WDHD1: variants seen among roughly 807,000 people sequenced by gnomAD.
WDHD1 encodes WD repeat and HMG-box DNA-binding protein 1.
A neutral mutation model predicts 135.4 loss-of-function variants in WDHD1; 111 were observed. The ratio of observed to expected loss-of-function variants is 0.82; its 90% CI spans 0.70 to 0.96. The LOEUF (loss-of-function observed/expected upper bound fraction) is 0.96. WDHD1 is among the 40% of genes least tolerant of loss of function. WDHD1 has a pLI of 0.00. For missense variants in WDHD1, 1,351 were observed against 1,336.3 expected (o/e 1.01, Z -0.17); for synonymous variants, 434 against 439.0 (o/e 0.99, Z 0.14).
chr14:54,994,062 T>C (rs2041838972), intron 11 of WDHD1, among the ~76,000 whole-genome samples: 1 of 152,226 alleles, frequency 6.6e-6, no homozygotes, highest in Non-Finnish European at 1.5e-5. Flanking sequence ...TGTAAGTTGT[T>C]ACAATAAGCA....
chr14:54,945,731 G>A (rs2140146526), intron 24 of WDHD1, among the ~76,000 whole-genome samples: 1 of 152,242 alleles, frequency 6.6e-6, no homozygotes, highest in Non-Finnish European at 1.5e-5. Flanking sequence ...AGTAAAGACA[G>A]GGTTTCACCA....
chr14:55,010,588 A>C (rs1418498707), intron 3 of WDHD1, 128 bp from the exon 4 acceptor site: 2 of 819,736 alleles, frequency 2.4e-6, no homozygotes, highest in Non-Finnish European at 3.4e-6. Context: ...GAGAAAAATT[A>C]TCACTAAATG....
intron 24 of WDHD1, 123 bp from the exon 25 acceptor site, chr14:54,944,593 G>T: frequency 2.2e-4 from 132 of 588,794 alleles, no homozygotes; most frequent in South Asian, 6.4e-4. Flanking sequence ...GGAAGACACA[G>T]TTACACTTGT....
At chr14:54,971,574 A>G (rs1291580747) in intron 16 of WDHD1, among the ~76,000 whole-genome samples, 1 of 152,098 alleles carries the variant, frequency 6.6e-6, no homozygotes, top group Non-Finnish European at 1.5e-5. Context: ...GAAAGAAACC[A>G]TAGATGACAC....
intron 10 of WDHD1, 138 bp from the exon 11 acceptor site, chr14:54,995,951 A>G: frequency 1.6e-6 from 1 of 609,346 alleles, no homozygotes; most frequent in Non-Finnish European, 2.7e-6. Flanking sequence ...AATAATTAGT[A>G]AATGTATTTA....
chr14:54,991,134 T>C, intron 12 of WDHD1, 79 bp downstream of exon 12: 3 of 754,050 alleles, frequency 4.0e-6, no homozygotes, highest in Non-Finnish European at 6.4e-6. Context: ...AAAAATATGT[T>C]TTATCCAAAA....
At chr14:55,001,088 C>T in intron 8 of WDHD1, 96 bp from the exon 9 acceptor site, 1 of 828,214 alleles carries the variant, frequency 1.2e-6, no homozygotes, top group Admixed American at 3.5e-5. Flanking sequence ...CATTTTTTTT[C>T]AAGAATTTGG....
chr14:54,984,392 G>A (rs1353544073), intron 15 of WDHD1, among the ~76,000 whole-genome samples: 2 of 152,186 alleles, frequency 1.3e-5, no homozygotes, highest in Non-Finnish European at 2.9e-5. Context: ...CTACTAAGGA[G>A]GCTGAGGTAG....
chr14:54,999,818 G>A (rs1450862318), intron 10 of WDHD1, among the ~76,000 whole-genome samples: 1 of 151,978 alleles, frequency 6.6e-6, no homozygotes, highest in Non-Finnish European at 1.5e-5. Context: ...TGTTGCCCAG[G>A]CTGATCTCAA....
intron 24 of WDHD1, among the ~76,000 whole-genome samples, chr14:54,945,688 G>A (rs2040911162): frequency 6.6e-6 from 1 of 152,088 alleles, no homozygotes; most frequent in South Asian, 2.1e-4. Flanking sequence ...CTACAGGTAC[G>A]CGCCACCACA....
At chr14:54,971,011 T>C (rs1256294403) in intron 16 of WDHD1, among the ~76,000 whole-genome samples, 2 of 152,134 alleles carry the variant, frequency 1.3e-5, no homozygotes, top group African/African-American at 4.8e-5. Context: ...ACTCAATAAA[T>C]GGTGCTGAGA....
chr14:54,970,777 A>C (rs928933298), intron 16 of WDHD1, among the ~76,000 whole-genome samples: 2 of 152,196 alleles, frequency 1.3e-5, no homozygotes, highest in Admixed American at 1.3e-4. Context: ...AAAAGAGCCC[A>C]AATAGCCAAA....
At position 54,963,188 on chromosome 14, in the gene WDHD1, G is replaced by A. The variant is rs758800696; in HGVS notation, c.2311-16C>T. ...TACAAGAAAGCTAATCCAAAAAGGG[G>A]GGGGGGGGGGAGATCAAATAACATC... On this transcript the variant is annotated splice_polypyrimidine_tract_variant and intron_variant, in intron 18 of 25. Coordinates refer to ENST00000360586, the MANE Select transcript of WDHD1 (RefSeq NM_007086.4). The A allele has an allele frequency of 5.9e-5, 56 of 946,704 alleles. 2 individuals are homozygous for A. Among genetic ancestry groups the A allele is most frequent in the South Asian group, 1.2e-4 (9 of 72,534 alleles). 58.6% of individuals were successfully genotyped at this position (946,704 alleles called of 1,614,324 possible). A position where few individuals can be genotyped will look rare whatever the true frequency, so the allele number is the denominator to read the frequency against.
intron 24 of WDHD1, among the ~76,000 whole-genome samples, chr14:54,946,596 GC>G (rs894979686): frequency 2.6e-5 from 4 of 152,132 alleles, no homozygotes; most frequent in African/African-American, 9.7e-5. Flanking sequence ...CAATCCTCCT[GC>G]CTCAGACTCT....
intron 24 of WDHD1, among the ~76,000 whole-genome samples, chr14:54,954,724 CT>C (rs778459077): frequency 2.0e-5 from 3 of 151,420 alleles, no homozygotes; most frequent in Non-Finnish European, 3.0e-5. Flanking sequence ...TAAAGAAGTT[CT>C]TTTTGTTTTT....
At chr14:54,971,722 A>AAAG (rs1305486688) in intron 16 of WDHD1, among the ~76,000 whole-genome samples, 2 of 149,092 alleles carry the variant, frequency 1.3e-5, no homozygotes, top group African/African-American at 5.1e-5. Flanking sequence ...CAAAAAAAAA[A>AAAG]AAAAAAAAAA....
At chr14:55,019,300 T>G (rs931716701) in intron 2 of WDHD1, among the ~76,000 whole-genome samples, 1 of 152,170 alleles carries the variant, frequency 6.6e-6, no homozygotes, top group African/African-American at 2.4e-5. Flanking sequence ...TAAATAAATA[T>G]TTTTATTTTT....
rs747303317 is a variant in WDHD1, at chr14:54,991,164, A to G, written c.1341+49T>C. On this transcript the variant is annotated intron_variant, in intron 12 of 25. Transcript: ENST00000360586. Reference sequence around the variant, plus strand: ...CCAAAAAAATTAACTATAGTAAGAAAAAAGTGCTGAAAACCTACTAAGAAG... The same window carrying G: ...CCAAAAAAATTAACTATAGTAAGAAGAAAGTGCTGAAAACCTACTAAGAAG... 7 of 1,047,808 alleles carry G rather than the reference A, an allele frequency of 6.7e-6. No individual in the cohort carries two copies. In the East Asian group the frequency reaches 1.4e-4, roughly 21 times the overall value. 64.9% of individuals were successfully genotyped at this position (1,047,808 alleles called of 1,614,324 possible).
At position 54,991,208 on chromosome 14, in the gene WDHD1, C is replaced by A. The variant is rs759356441; in HGVS notation, c.1341+5G>T. 45 of 1,366,198 alleles carry A rather than the reference C, an allele frequency of 3.3e-5. No homozygotes were observed. Among genetic ancestry groups the A allele is most frequent in the Non-Finnish European group, 4.2e-5 (43 of 1,019,926 alleles). The allele number at this position is 1,366,198 out of a possible 1,614,324, so 84.6% of individuals were successfully genotyped here. A position where few individuals can be genotyped will look rare whatever the true frequency, so the allele number is the denominator to read the frequency against. On this transcript the variant is annotated splice_donor_5th_base_variant and intron_variant, in intron 12 of 25. Coordinates refer to ENST00000360586, the MANE Select transcript of WDHD1 (RefSeq NM_007086.4). ...TAAGAAGTTAAGTGTAGATCCAAGT[C>A]TTACCATGAATCTGTGAGTGAGATG...
Sources: gnomAD v4.1 joint callset for allele counts (sites outside exome capture counted in the v4.1 genomes callset) on GRCh38, gnomAD v4.1.1 for gene constraint, MANE v1.5 for transcripts, NCBI Gene and HGNC (gene_info 2026-07-23, HGNC 2026-07-21) for gene names.